AMZ2: variants seen among roughly 807,000 people sequenced by gnomAD.
AMZ2 encodes the protein archaemetzincin-2.
In AMZ2, 26 loss-of-function variants were observed where a neutral mutation model predicts 36.7. That is an observed-to-expected ratio of 0.71 (90% confidence interval 0.52 to 0.98). The LOEUF (loss-of-function observed/expected upper bound fraction) is 0.98. Ranked by LOEUF, AMZ2 falls within the 50% of genes least tolerant of loss-of-function variation. The pLI is 0.00. For missense variants in AMZ2, 394 were observed against 430.5 expected, an observed-to-expected ratio of 0.92 and a Z score of 0.75; for synonymous variants, 144 against 149.1, an observed-to-expected ratio of 0.97 and a Z score of 0.25.
intron 1 of AMZ2, among the ~76,000 whole-genome samples, chr17:68,217,781 A>G (rs1312326313): frequency 6.7e-6 from 1 of 148,932 alleles, no homozygotes; most frequent in Non-Finnish European, 1.5e-5. Context: ...TGTTATTTGT[A>G]TAGGTTAGTG....
At chr17:68,216,580 A>G (rs1330403772) in intron 1 of AMZ2, among the ~76,000 whole-genome samples, 1 of 152,162 alleles carries the variant, frequency 6.6e-6, no homozygotes, top group African/African-American at 2.4e-5. Context: ...TTATGAGAGT[A>G]TTTTCAATAC....
chr17:68,241,942 G>A (rs1198232104), intron 1 of AMZ2, among the ~76,000 whole-genome samples: 7 of 147,216 alleles, frequency 4.8e-5, no homozygotes, highest in African/African-American at 1.8e-4. Flanking sequence ...ACGAGGGTTC[G>A]CCATGTTGGC....
chr17:68,211,720 A>G (rs868927653), intron 1 of AMZ2, among the ~76,000 whole-genome samples: 4 of 140,448 alleles, frequency 2.8e-5, no homozygotes, highest in Admixed American at 7.1e-5. Context: ...ATATGTATAT[A>G]TATGTATATG....
intron 1 of AMZ2, among the ~76,000 whole-genome samples, chr17:68,232,495 CAAAAAAAAA>C (rs139890887): frequency 9.4e-6 from 1 of 106,904 alleles, no homozygotes; most frequent in African/African-American, 3.6e-5. Context: ...GACCCTATCT[CAAAAAAAAA>C]AAAAAAAAGA....
chr17:68,255,732 A>T lies in AMZ2; in HGVS notation c.783A>T (p.Gly261=), dbSNP rs1555742378. 1 of 1,614,116 alleles carries T rather than the reference A, an allele frequency of 6.2e-7. No individual in the cohort carries two copies. Among genetic ancestry groups the T allele is most frequent in the Non-Finnish European group, 8.5e-7 (1 of 1,179,968 alleles). ...CCCATGAGATCGGACACATATTTGG[A>T]CTGCGACACTGCCAGTGGCTTGCAT... ...TLTHEIGHIF[G]LRHCQWLACL... The change falls in exon 6 of 7, where the codon GGA becomes GGT. Residue 261 remains glycine, a synonymous_variant. Transcript: ENST00000359904.
At position 68,251,092 on chromosome 17, in the gene AMZ2, C is replaced by A. The variant is rs1385524148; in HGVS notation, c.500C>A (p.Ala167Asp). 4 of 1,612,242 alleles carry A rather than the reference C, an allele frequency of 2.5e-6. No homozygotes were observed. In the African/African-American group the frequency reaches 4.0e-5, roughly 16 times the overall value. ...TTGAAAAAGAAGAAACCTGAAGATG[C>A]CTTCTGTGTTGTGGGAATAACAATG... is the stretch of plus-strand genomic sequence containing the variant. ...KFLKKKKPED[A>D]FCVVGITMID... The change falls in exon 4 of 7, where the codon GCC becomes GAC. Residue 167 changes from alanine to aspartate, a missense_variant. Coordinates refer to ENST00000359904, the MANE Select transcript of AMZ2 (RefSeq NM_016627.5).
At chr17:68,216,146 C>T (rs1177547594) in intron 1 of AMZ2, among the ~76,000 whole-genome samples, 3 of 152,040 alleles carry the variant, frequency 2.0e-5, no homozygotes, top group African/African-American at 7.2e-5. Context: ...TTTAATTAAT[C>T]ACTTTTGGAG....
intron 1 of AMZ2, among the ~76,000 whole-genome samples, chr17:68,212,996 T>A (rs2073105615): frequency 6.6e-6 from 1 of 152,218 alleles, no homozygotes; most frequent in African/African-American, 2.4e-5. Flanking sequence ...CAGGAACCAA[T>A]TCATTACCAT....
At chr17:68,206,869 A>C (rs1555724530) in intron 1 of AMZ2, 3 of 153,010 alleles carry the variant, frequency 2.0e-5, no homozygotes, top group African/African-American at 7.2e-5. Flanking sequence ...TCGAGTGCTA[A>C]TGGGCCTGTG....
chr17:68,244,930 G>A (rs559330067), upstream of AMZ2, among the ~76,000 whole-genome samples: 2 of 152,148 alleles, frequency 1.3e-5, no homozygotes, highest in African/African-American at 4.8e-5. Context: ...TTATGTCATG[G>A]TGTTTATCTT....
chr17:68,255,987 G>T, intron 6 of AMZ2, 111 bp downstream of exon 6: 1 of 1,182,012 alleles, frequency 8.5e-7, no homozygotes, highest in Non-Finnish European at 1.1e-6. Context: ...GGAAATTAGT[G>T]TAAAGATAAG....
intron 1 of AMZ2, among the ~76,000 whole-genome samples, chr17:68,224,055 A>G (rs1417526319): frequency 3.0e-5 from 4 of 131,526 alleles, no homozygotes; most frequent in Non-Finnish European, 4.9e-5. Context: ...ACACCCGGCT[A>G]ATTTTTTGTA....
upstream of AMZ2, chr17:68,247,655 A>G: frequency 1.0e-6 from 1 of 985,444 alleles, no homozygotes; most frequent in Non-Finnish European, 1.2e-6. Flanking sequence ...CCGCCGACTC[A>G]TTTGGGGCCA....
At chr17:68,217,277 T>C (rs574963088) in intron 1 of AMZ2, among the ~76,000 whole-genome samples, 1 of 152,308 alleles carries the variant, frequency 6.6e-6, no homozygotes, top group African/African-American at 2.4e-5. Flanking sequence ...AAATCAAATA[T>C]TCTGTTTTTC....
At chr17:68,243,620 A>T (rs1280815340), upstream of AMZ2, among the ~76,000 whole-genome samples, 2 of 152,174 alleles carry the variant, frequency 1.3e-5, no homozygotes, top group Non-Finnish European at 1.5e-5. Flanking sequence ...GAGATCTCTT[A>T]TTGGGTCAAT....
At position 68,215,380 on chromosome 17, in the gene AMZ2, A is replaced by G. The variant is rs143240121; in HGVS notation, c.-67+9142A>G. Among the ~76,000 whole-genome samples the G allele has an allele frequency of 6.0e-5, 8 of 134,332 alleles. 3 individuals carry two copies. Among genetic ancestry groups the G allele is most frequent in the African/African-American group, 2.0e-4 (7 of 35,140 alleles). 88.1% of individuals were successfully genotyped at this position (134,332 alleles called of 152,430 possible). ...AGGTGGTAACATGGAAACCTTTGTC[A>G]GCAAGGTCATTCCAAATGGTGAAAT... On this transcript the variant is annotated intron_variant, in intron 1 of 7. Transcript: ENST00000674770.
upstream of AMZ2, among the ~76,000 whole-genome samples, chr17:68,243,031 G>A (rs559235162): frequency 2.1e-5 from 3 of 143,688 alleles, no homozygotes; most frequent in South Asian, 6.6e-4. Flanking sequence ...GTGAAAGAGT[G>A]AGGCTCTGTC....
chr17:68,241,425 G>C (rs1173725112), intron 1 of AMZ2, among the ~76,000 whole-genome samples: 1 of 152,148 alleles, frequency 6.6e-6, no homozygotes, highest in African/African-American at 2.4e-5. Flanking sequence ...AGAATCACAA[G>C]AGGAATGATA....
rs145685949 is a variant in AMZ2 at position 68,217,810 on chromosome 17, ATTT to A, written c.-67+11590_-67+11592del. On this transcript the variant is annotated intron_variant, in intron 1 of 7. Transcript: ENST00000674770. ...GTTAGTGAAGCATATAATAAAAAAG[ATTT>A]TTTTTTTTTTTTTTTTTGAGATGGA... is the stretch of plus-strand genomic sequence containing the variant. Among the ~76,000 whole-genome samples the A allele has an allele frequency of 6.4e-4, 87 of 136,356 alleles. No individual in the cohort carries two copies. The East Asian group carries it at 0.012, about 19-fold the overall frequency. 89.5% of individuals were successfully genotyped at this position (136,356 alleles called of 152,430 possible).
Sources: allele counts gnomAD v4.1 joint callset (sites outside exome capture counted in the v4.1 genomes callset), GRCh38; gene constraint gnomAD v4.1.1; transcripts MANE v1.5; gene names NCBI Gene and HGNC (gene_info 2026-07-23, HGNC 2026-07-21).